Variants in DOCK4 observed in about 807,000 individuals in gnomAD.
DOCK4 encodes dedicator of cytokinesis 4.
Under a neutral mutation model 268.1 loss-of-function variants are expected in DOCK4, and 97 were observed. That is an observed-to-expected ratio of 0.36 (90% CI 0.31 to 0.43). The LOEUF (loss-of-function observed/expected upper bound fraction) is 0.43. Ranked by LOEUF, DOCK4 falls within the 20% of genes least tolerant of loss-of-function variation. The probability of loss-of-function intolerance (pLI) is 1.00; values close to 1 mark genes in which losing one functional copy is unlikely to be tolerated. For synonymous variants in DOCK4, 954 were observed against 887.2 expected (o/e 1.08, Z -1.34); for missense variants, 2,145 against 2,455.7 (o/e 0.87, Z 2.67).
intron 1 of DOCK4, among the ~76,000 whole-genome samples, chr7:112,090,924 T>C (rs1809565030): frequency 6.6e-6 from 1 of 152,120 alleles, no homozygotes; most frequent in East Asian, 1.9e-4. Flanking sequence ...ATTTTCTGTC[T>C]CCAGATTCCT....
At chr7:112,116,631 A>G (rs951872051) in intron 1 of DOCK4, among the ~76,000 whole-genome samples, 1 of 152,250 alleles carries the variant, frequency 6.6e-6, no homozygotes, top group Non-Finnish European at 1.5e-5. Flanking sequence ...AATTCTGTTT[A>G]TAACATATTC....
chr7:111,939,035 A>T (rs1794985553), intron 11 of DOCK4, among the ~76,000 whole-genome samples: 1 of 151,404 alleles, frequency 6.6e-6, no homozygotes, highest in African/African-American at 2.4e-5. Context: ...CATGAACACC[A>T]TGTGAAGATG....
intron 1 of DOCK4, among the ~76,000 whole-genome samples, chr7:112,131,404 T>C (rs1162629541): frequency 6.6e-6 from 1 of 152,154 alleles, no homozygotes. Flanking sequence ...CACCCGTATG[T>C]GAAACTTAGT....
In DOCK4 at chr7:111,735,080, G is replaced by C; in HGVS notation, c.5393C>G (p.Pro1798Arg). The C allele has an allele frequency of 6.3e-7, 1 of 1,597,584 alleles. No homozygotes were observed. The highest frequency in any genetic ancestry group is 1.3e-5 in the African/African-American group (1 of 74,790). The change falls in exon 51 of 53, where the codon CCT (proline) becomes CGT (arginine). Residue 1798 changes from proline to arginine, a missense_variant. Pro to Arg is a moderately radical substitution (Grantham distance 103). Coordinates refer to ENST00000428084, the MANE Select transcript of DOCK4 (RefSeq NM_001363540.2). The stretch of plus-strand genomic sequence containing the variant: ...AGTCTGTGTGGGTCTTGGAGGGACA[G>C]GGGGAGAGATAAGTTTCCCACTATC... ...MSDSGKLISP[P>R]VPPRPTQTAS...
intron 26 of DOCK4, among the ~76,000 whole-genome samples, chr7:111,825,604 C>T (rs1174145406): frequency 1.3e-5 from 2 of 152,254 alleles, no homozygotes; most frequent in East Asian, 3.9e-4. Context: ...TCATATGCTA[C>T]CATTTAAAAC....
Position 111,900,376 on chromosome 7 carries a change from G to C in DOCK4, c.1478C>G (p.Ser493Cys). ...AHIRFEFRHC[S>C]TKEKGEKKLF... is the part of the protein sequence containing the mutation. ...AGCCAATGCCACCAAACACTTACTGGAACAATGCCGAAACTCGAAGCGGAT... is the reference window on the plus strand; with the variant it reads ...AGCCAATGCCACCAAACACTTACTGCAACAATGCCGAAACTCGAAGCGGAT... The change falls in exon 15 of 53, where the codon TCC (serine) becomes TGC (cysteine). Residue 493 changes from serine to cysteine, a missense_variant and splice_region_variant. Transcript: ENST00000428084. The C allele has an allele frequency of 6.2e-7, 1 of 1,612,368 alleles. No homozygotes were observed. The highest frequency in any genetic ancestry group is 8.5e-7 in the Non-Finnish European group (1 of 1,179,238).
At chr7:111,888,337 G>A (rs1281898753) in intron 16 of DOCK4, among the ~76,000 whole-genome samples, 1 of 151,192 alleles carries the variant, frequency 6.6e-6, no homozygotes, top group East Asian at 2.0e-4. Flanking sequence ...GTAGAACTAA[G>A]GATTAAGAGA....
chr7:112,200,289 G>A (rs891897436), intron 1 of DOCK4, among the ~76,000 whole-genome samples: 19 of 151,966 alleles, frequency 1.3e-4, no homozygotes, highest in African/African-American at 4.3e-4. Flanking sequence ...TGGTACTGGG[G>A]GATATTTATA....
rs149423468 is a variant in DOCK4, at chr7:111,879,444, A to C, written c.1588-2258T>G. Among the ~76,000 whole-genome samples, 84 of 152,288 alleles carry C rather than the reference A, an allele frequency of 5.5e-4. 1 individual carries two copies. The highest frequency in any genetic ancestry group is 2.0e-3 in the African/African-American group (82 of 41,566). On this transcript the variant is annotated intron_variant, in intron 16 of 52. Transcript: ENST00000428084. ...CCTTCTGTTTGAGAGAAGCAGAGGG[A>C]AAAGCAAAGGGGGCTTTGCCTTGTA...
chr7:111,800,554 C>CTG (rs1800199206), intron 30 of DOCK4, among the ~76,000 whole-genome samples: 1 of 152,150 alleles, frequency 6.6e-6, no homozygotes, highest in Non-Finnish European at 1.5e-5. Flanking sequence ...TTGCAATCCA[C>CTG]TGGTGTAACA....
At chr7:111,751,607 G>C (rs907749941) in intron 42 of DOCK4, among the ~76,000 whole-genome samples, 8 of 152,186 alleles carry the variant, frequency 5.3e-5, no homozygotes, top group Middle Eastern at 6.8e-3. Flanking sequence ...ACCATGCCCA[G>C]CTACTTTTTG....
At chr7:111,913,548 T>C (rs1792316436) in intron 13 of DOCK4, among the ~76,000 whole-genome samples, 1 of 151,430 alleles carries the variant, frequency 6.6e-6, no homozygotes, top group African/African-American at 2.4e-5. Context: ...TAGCTGGGAC[T>C]ACAGGCGCCC....
intron 1 of DOCK4, among the ~76,000 whole-genome samples, chr7:112,123,461 A>G (rs1440146757): frequency 6.6e-6 from 1 of 152,216 alleles, no homozygotes; most frequent in Non-Finnish European, 1.5e-5. Flanking sequence ...TATAAAAAGG[A>G]CCATGAACAC....
At chr7:111,866,677 A>T (rs950351732) in intron 22 of DOCK4, among the ~76,000 whole-genome samples, 7 of 148,828 alleles carry the variant, frequency 4.7e-5, no homozygotes, top group Non-Finnish European at 9.0e-5. Context: ...CAACTAAGGT[A>T]AAAAAAAAAG....
At chr7:112,204,391 A>G (rs1390138934) in intron 1 of DOCK4, among the ~76,000 whole-genome samples, 2 of 152,204 alleles carry the variant, frequency 1.3e-5, no homozygotes, top group Non-Finnish European at 2.9e-5. Flanking sequence ...ACTGAGTGTT[A>G]AAGCCGCTTA....
intron 1 of DOCK4, among the ~76,000 whole-genome samples, chr7:112,165,914 C>G (rs1392994386): frequency 6.6e-6 from 1 of 152,062 alleles, no homozygotes; most frequent in Non-Finnish European, 1.5e-5. Flanking sequence ...ACATCCCTCG[C>G]CCCCTCCAAA....
At chr7:111,980,896 C>T (rs1798559662) in intron 7 of DOCK4, among the ~76,000 whole-genome samples, 1 of 152,194 alleles carries the variant, frequency 6.6e-6, no homozygotes, top group Admixed American at 6.5e-5. Flanking sequence ...GAGAAGCTGG[C>T]TAATAAGGCT....
intron 23 of DOCK4, among the ~76,000 whole-genome samples, chr7:111,853,683 C>A (rs1002070248): frequency 6.6e-6 from 1 of 152,134 alleles, no homozygotes; most frequent in Admixed American, 6.5e-5. Flanking sequence ...CCAGATCCCA[C>A]CCACTGGCTT....
chr7:111,907,661 G>A (rs779910806), intron 13 of DOCK4, among the ~76,000 whole-genome samples: 10 of 152,232 alleles, frequency 6.6e-5, no homozygotes, highest in African/African-American at 9.6e-5. Context: ...AAGCGGTGTG[G>A]GGGTCCAGTG....
Sources: allele counts gnomAD v4.1 joint callset (sites outside exome capture counted in the v4.1 genomes callset), GRCh38; gene constraint gnomAD v4.1.1; transcripts MANE v1.5; gene names NCBI Gene and HGNC (gene_info 2026-07-23, HGNC 2026-07-21).